Variants in AKNA observed in about 807,000 individuals in gnomAD.
The protein encoded by AKNA is microtubule organization protein AKNA.
AKNA carries 67 observed loss-of-function variants against 138.8 expected under a neutral mutation model. The ratio of observed to expected loss-of-function variants is 0.48; its 90% confidence interval spans 0.40 to 0.59. The LOEUF (loss-of-function observed/expected upper bound fraction) is 0.59. Ranked by LOEUF, AKNA falls within the 20% of genes least tolerant of loss-of-function variation. The probability of loss-of-function intolerance (pLI) is 0.00; values close to 1 mark genes in which losing one functional copy is unlikely to be tolerated. For missense variants in AKNA, 1,813 were observed against 1,880.4 expected (o/e 0.96, Z 0.66); for synonymous variants, 737 against 754.4 (o/e 0.98, Z 0.38).
intron 15 of AKNA, 36 bp from the exon 16 acceptor site, chr9:114,347,936 G>A (rs1830811865): frequency 1.3e-6 from 2 of 1,543,544 alleles, no homozygotes; most frequent in African/African-American, 1.4e-5. Context: ...AAAGAACAGA[G>A]GCATGAGGAA....
intron 1 of AKNA, among the ~76,000 whole-genome samples, chr9:114,394,130 G>C (rs1324851363): frequency 6.6e-6 from 1 of 151,628 alleles, no homozygotes; most frequent in Non-Finnish European, 1.5e-5. Flanking sequence ...CCAAGATCGT[G>C]CCACCCCACT....
upstream of AKNA, among the ~76,000 whole-genome samples, chr9:114,389,987 A>G (rs1404088885): frequency 6.6e-6 from 1 of 152,030 alleles, no homozygotes; most frequent in Admixed American, 6.6e-5. Context: ...GCCCCTCCCT[A>G]TCAGCTCTGG....
Position 114,336,745 on chromosome 9 carries a change from G to C in AKNA, c.*309C>G, listed in dbSNP as rs1564610717. The C allele has an allele frequency of 2.7e-6, 1 of 369,626 alleles. No homozygotes were observed. The highest frequency in any genetic ancestry group is 2.1e-5 in the African/African-American group (1 of 48,196). 22.9% of individuals were successfully genotyped at this position (369,626 alleles called of 1,614,324 possible). ...TCTGTATATAAAATACCTATTATTA[G>C]CTGGAGTTGCACACATGCAGGACCA... On this transcript the variant is annotated 3_prime_UTR_variant, in exon 22 of 22. Coordinates refer to ENST00000374088, the MANE Select transcript of AKNA (RefSeq NM_001317950.2).
chr9:114,335,845 T>A lies in AKNA; in HGVS notation c.*1209A>T, dbSNP rs898661896. 1 of 150,552 alleles carries A rather than the reference T, an allele frequency of 6.6e-6. No individual in the cohort carries two copies. The highest frequency in any genetic ancestry group is 1.5e-5 in the Non-Finnish European group (1 of 67,774). The allele number at this position is 150,552 out of a possible 1,614,324, so 9.3% of individuals were successfully genotyped here. A position where few individuals can be genotyped will look rare whatever the true frequency, so the allele number is the denominator to read the frequency against. On this transcript the variant is annotated 3_prime_UTR_variant, in exon 22 of 22. Transcript: ENST00000374088. ...AGGAGCACTGGAGAGTCCAGGTGCA[T>A]ACTCTTGTAGACAGCAACTTGCTGT...
At chr9:114,355,511 G>A (rs1831433267) in intron 14 of AKNA, among the ~76,000 whole-genome samples, 1 of 152,170 alleles carries the variant, frequency 6.6e-6, no homozygotes, top group Non-Finnish European at 1.5e-5. Flanking sequence ...CAGCGCAGTA[G>A]GTTTGTTTCC....
In AKNA at chr9:114,335,919, A is replaced by C. The variant is rs1278427067; in HGVS notation, c.*1135T>G. 2 of 152,302 alleles carry C rather than the reference A, an allele frequency of 1.3e-5. No homozygotes were observed. The allele number at this position is 152,302 out of a possible 1,614,324, so 9.4% of individuals were successfully genotyped here. On this transcript the variant is annotated 3_prime_UTR_variant, in exon 22 of 22. Transcript: ENST00000374088. The stretch of plus-strand genomic sequence containing the variant: ...TCAGTCAAAAGGGACTTGGCTAGGC[A>C]GCCCCACCTCAAGGCCCTCCGCAGT...
rs542469768 is a variant in AKNA, at chr9:114,337,238, G to T, written c.4136C>A (p.Pro1379Gln). 32 of 1,573,624 alleles carry T rather than the reference G, an allele frequency of 2.0e-5. No individual in the cohort carries two copies. In the East Asian group the frequency reaches 2.5e-4, roughly 12 times the overall value. The change falls in exon 22 of 22, where the codon CCA becomes CAA. Residue 1379 changes from proline to glutamine, a missense_variant. By Grantham distance (76) the Pro-to-Gln change is moderately conservative (BLOSUM62 -1). Coordinates refer to ENST00000374088, the MANE Select transcript of AKNA (RefSeq NM_001317950.2). The part of the protein sequence containing the change: ...AAKWPPTASP[P>Q]PARRHRHSIQ... ...GGAGTGCCGGTGTCTCCGGGCTGGTGGGGGAGAGGCTGTGGGCGGCCACTT... is the reference window on the plus strand; with the variant it reads ...GGAGTGCCGGTGTCTCCGGGCTGGTTGGGGAGAGGCTGTGGGCGGCCACTT...
intron 11 of AKNA, chr9:114,358,447 T>G (rs1289146750): frequency 9.8e-6 from 4 of 407,888 alleles, no homozygotes; most frequent in African/African-American, 8.4e-5. Flanking sequence ...TTAAGGAGTT[T>G]GCATACCACC....
intron 14 of AKNA, among the ~76,000 whole-genome samples, chr9:114,353,054 G>A (rs986501608): frequency 5.3e-5 from 8 of 152,182 alleles, no homozygotes; most frequent in Admixed American, 2.0e-4. Context: ...ATCATACTGA[G>A]TTTCTTGGTG....
At position 114,357,049 on chromosome 9, in the gene AKNA, C is replaced by T. The variant is rs1037448250; in HGVS notation, c.2740-80G>A. On this transcript the variant is annotated intron_variant, in intron 12 of 21. Transcript: ENST00000374088. ...AAGCCCTTCCCAAATCGTGGCCTGG[C>T]CTCACCTCCCAGAGGCTCACACCCC... 22 of 1,293,470 alleles carry T rather than the reference C, an allele frequency of 1.7e-5. No homozygotes were observed. In the African/African-American group the frequency reaches 3.1e-4, roughly 18 times the overall value. The allele number at this position is 1,293,470 out of a possible 1,614,324, so 80.1% of individuals were successfully genotyped here.
intron 21 of AKNA, among the ~76,000 whole-genome samples, chr9:114,340,795 A>G (rs1027693348): frequency 1.1e-4 from 17 of 152,170 alleles, no homozygotes; most frequent in African/African-American, 3.4e-4. Flanking sequence ...CTGTGCAAAA[A>G]GTCCTACAAT....
rs1278746231 is a variant in AKNA, at chr9:114,341,404, A to G, written c.4067+129T>C. 5.2e-6 allele frequency: 6 copies of G among 1,146,944 alleles called. No individual in the cohort carries two copies. In the East Asian group the frequency reaches 1.5e-4, roughly 29 times the overall value. The allele number at this position is 1,146,944 out of a possible 1,614,324, so 71.0% of individuals were successfully genotyped here. A position where few individuals can be genotyped will look rare whatever the true frequency, so the allele number is the denominator to read the frequency against. ...TATATGAGTGTTGGGCTCCTACTGC[A>G]TGTTATCCACGCAGGGATAAAACAC... On this transcript the variant is annotated intron_variant, in intron 21 of 21. Coordinates refer to ENST00000374088, the MANE Select transcript of AKNA (RefSeq NM_001317950.2).
At chr9:114,375,734 C>T (rs981843770) in intron 3 of AKNA, among the ~76,000 whole-genome samples, 6 of 151,512 alleles carry the variant, frequency 4.0e-5, no homozygotes, top group African/African-American at 1.2e-4. Flanking sequence ...ATTGTGGATG[C>T]GGGGGGTAGG....
At chr9:114,331,867 T>G, downstream of AKNA, 2 of 1,613,856 alleles carry the variant, frequency 1.2e-6, no homozygotes. Flanking sequence ...GGGAGAGTTC[T>G]ACGAAGCTCT....
intron 1 of AKNA, among the ~76,000 whole-genome samples, chr9:114,393,980 C>T (rs992954777): frequency 6.6e-6 from 1 of 151,922 alleles, no homozygotes; most frequent in African/African-American, 2.4e-5. Context: ...CGAGACCAGC[C>T]TGGTCAACAT....
Position 114,337,228 on chromosome 9 carries a change from C to T in AKNA, c.4146G>A (p.Arg1382=). 1.9e-6 allele frequency: 3 copies of T among 1,578,828 alleles called. No homozygotes were observed. The highest frequency in any genetic ancestry group is 1.3e-5 in the African/African-American group (1 of 74,190). ...WPPTASPPPA[R]RHRHSIQLDL... ...CGAGCTGGATGGAGTGCCGGTGTCT[C>T]CGGGCTGGTGGGGGAGAGGCTGTGG... The change falls in exon 22 of 22, where the codon CGG becomes CGA. Residue 1382 remains arginine, a synonymous_variant. Coordinates refer to ENST00000374088, the MANE Select transcript of AKNA (RefSeq NM_001317950.2).
intron 17 of AKNA, among the ~76,000 whole-genome samples, chr9:114,346,314 G>A (rs1830682161): frequency 6.6e-6 from 1 of 152,224 alleles, no homozygotes; most frequent in East Asian, 1.9e-4. Flanking sequence ...CCAAGGACAA[G>A]TGGAGGGGAG....
chr9:114,357,539 GTGCATAAGTGCACATGCA>G (rs1831588371), intron 12 of AKNA, among the ~76,000 whole-genome samples: 1 of 152,006 alleles, frequency 6.6e-6, no homozygotes, highest in African/African-American at 2.4e-5. Context: ...GTGTGTGTTT[GTGCATAAGTGCACATGCA>G]TGCATATATA....
intron 14 of AKNA, among the ~76,000 whole-genome samples, chr9:114,352,727 C>A (rs897992780): frequency 6.6e-6 from 1 of 152,130 alleles, no homozygotes; most frequent in Admixed American, 6.5e-5. Context: ...TCGAGACCAG[C>A]CTGACCAACA....
Sources: allele counts gnomAD v4.1 joint callset (sites outside exome capture counted in the v4.1 genomes callset), GRCh38; gene constraint gnomAD v4.1.1; transcripts MANE v1.5; gene names NCBI Gene and HGNC (gene_info 2026-07-23, HGNC 2026-07-21).